Variants in NAALADL2 observed in about 807,000 individuals in gnomAD.
The protein encoded by NAALADL2 is inactive N-acetylated-alpha-linked acidic dipeptidase-like protein 2.
A neutral mutation model predicts 87.2 loss-of-function variants in NAALADL2; 76 were observed. The ratio of observed to expected loss-of-function variants is 0.87; its 90% CI spans 0.72 to 1.05. The LOEUF (loss-of-function observed/expected upper bound fraction) is 1.05. Ranked by LOEUF, NAALADL2 falls within the 50% of genes least tolerant of loss-of-function variation. The pLI, the probability that NAALADL2 is intolerant of heterozygous loss-of-function variation, is 0.00. For missense variants in NAALADL2, 1,089 were observed against 945.8 expected (o/e 1.15, Z -1.99); for synonymous variants, 354 against 331.0 (o/e 1.07, Z -0.75).
At chr3:174,613,684 G>T (rs1219219919) in intron 2 of NAALADL2, among the ~76,000 whole-genome samples, 1 of 152,132 alleles carries the variant, frequency 6.6e-6, no homozygotes, top group Non-Finnish European at 1.5e-5. Context: ...AGGGCAGTAG[G>T]CTCCTTTCTG....
At chr3:175,250,253 C>CTGTGTGTGTGTGTGTG (rs147841608) in intron 3 of NAALADL2, among the ~76,000 whole-genome samples, 2 of 146,084 alleles carry the variant, frequency 1.4e-5, no homozygotes, top group African/African-American at 5.1e-5. Context: ...CTCACTTTTT[C>CTGTGTGTGTGTGTGTG]TGTGTGTGTG....
At chr3:175,413,978 T>A (rs1473643031) in intron 5 of NAALADL2, among the ~76,000 whole-genome samples, 1 of 152,202 alleles carries the variant, frequency 6.6e-6, no homozygotes, top group Non-Finnish European at 1.5e-5. Context: ...ACCACCGTCT[T>A]CTACCCAGTG....
At chr3:175,450,676 G>C (rs1314047503) in intron 6 of NAALADL2, among the ~76,000 whole-genome samples, 1 of 135,076 alleles carries the variant, frequency 7.4e-6, no homozygotes, top group Non-Finnish European at 1.6e-5. Context: ...AGTTGATGTA[G>C]TCTGTCAATA....
At chr3:175,388,888 A>G (rs945649837) in intron 5 of NAALADL2, among the ~76,000 whole-genome samples, 2 of 152,156 alleles carry the variant, frequency 1.3e-5, no homozygotes, top group East Asian at 1.9e-4. Flanking sequence ...CAACTTATCT[A>G]AAGTTTTAAT....
chr3:175,421,967 G>A (rs1715780813), intron 5 of NAALADL2, among the ~76,000 whole-genome samples: 1 of 152,006 alleles, frequency 6.6e-6, no homozygotes, highest in South Asian at 2.1e-4. Context: ...TTGAAGAATA[G>A]CAAAATATCA....
At chr3:175,090,787 A>C (rs1719952870) in intron 1 of NAALADL2, among the ~76,000 whole-genome samples, 2 of 152,140 alleles carry the variant, frequency 1.3e-5, no homozygotes, top group Non-Finnish European at 2.9e-5. Flanking sequence ...TTTTTCTAAA[A>C]ATAAAGCACA....
At chr3:175,665,936 A>C (rs1931158) in intron 11 of NAALADL2, among the ~76,000 whole-genome samples, 21,010 of 150,376 alleles carry the variant, frequency 0.14, 2,232 homozygotes, top group African/African-American at 0.3. Context: ...TCCCCCCCCC[A>C]AAAAAAAGGT....
intron 5 of NAALADL2, among the ~76,000 whole-genome samples, chr3:175,386,495 CTT>C (rs773283817): frequency 1.4e-5 from 2 of 145,280 alleles, no homozygotes; most frequent in African/African-American, 5.0e-5. Context: ...CATGTATCAT[CTT>C]TTTTTTTTTT....
At chr3:175,248,610 C>G (rs936612744) in intron 3 of NAALADL2, among the ~76,000 whole-genome samples, 2 of 152,044 alleles carry the variant, frequency 1.3e-5, no homozygotes, top group African/African-American at 4.8e-5. Flanking sequence ...TACACATATT[C>G]AGTCATTTAT....
At chr3:174,712,312 T>A (rs951305357) in intron 2 of NAALADL2, among the ~76,000 whole-genome samples, 1 of 151,750 alleles carries the variant, frequency 6.6e-6, no homozygotes, top group Non-Finnish European at 1.5e-5. Flanking sequence ...CGTATCCTAA[T>A]GCTATGATAA....
At chr3:175,670,999 A>T (rs548014432) in intron 11 of NAALADL2, among the ~76,000 whole-genome samples, 2 of 151,682 alleles carry the variant, frequency 1.3e-5, no homozygotes, top group Non-Finnish European at 3.0e-5. Flanking sequence ...GTTGTAAAAA[A>T]AAATAATAAT....
intron 9 of NAALADL2, among the ~76,000 whole-genome samples, chr3:175,528,085 A>C (rs545104617): frequency 1.3e-5 from 2 of 152,188 alleles, no homozygotes; most frequent in Admixed American, 1.3e-4. Context: ...GTTCTCGGAG[A>C]AGGAAAGTGA....
chr3:174,539,981 A>G (rs1232662581), intron 1 of NAALADL2, among the ~76,000 whole-genome samples: 1 of 87,018 alleles, frequency 1.1e-5, no homozygotes, highest in East Asian at 2.2e-4. Context: ...GTTCTGGAAA[A>G]AAAAAAAAAA....
At chr3:174,720,036 G>T (rs1409450960) in intron 2 of NAALADL2, among the ~76,000 whole-genome samples, 1 of 152,058 alleles carries the variant, frequency 6.6e-6, no homozygotes, top group African/African-American at 2.4e-5. Context: ...TCTTGACCTC[G>T]TGATTCACAT....
At chr3:174,979,466 C>T (rs914005429) in intron 1 of NAALADL2, among the ~76,000 whole-genome samples, 16 of 151,734 alleles carry the variant, frequency 1.1e-4, no homozygotes, top group Admixed American at 2.6e-4. Context: ...CCACCACGCC[C>T]GGCTAATTTT....
intron 1 of NAALADL2, among the ~76,000 whole-genome samples, chr3:175,018,547 T>C (rs1414990100): frequency 6.6e-6 from 1 of 152,096 alleles, no homozygotes; most frequent in Non-Finnish European, 1.5e-5. Context: ...TGCTGGTTGA[T>C]GACCAACTGA....
At chr3:175,581,567 T>C (rs748390247) in intron 10 of NAALADL2, among the ~76,000 whole-genome samples, 1 of 152,264 alleles carries the variant, frequency 6.6e-6, no homozygotes, top group Non-Finnish European at 1.5e-5. Context: ...CAATATTTTA[T>C]TCATATAATG....
Position 175,572,885 on chromosome 3 carries a change from G to A in NAALADL2, c.1654-3156G>A, listed in dbSNP as rs1718295596. Among the ~76,000 whole-genome samples the A allele has an allele frequency of 6.4e-5, 9 of 139,804 alleles. No individual in the cohort carries two copies. The Admixed American group carries it at 7.0e-4, about 11-fold the overall frequency. The allele number at this position is 139,804 out of a possible 152,430, so 91.7% of individuals were successfully genotyped here. A position where few individuals can be genotyped will look rare whatever the true frequency, so the allele number is the denominator to read the frequency against. The stretch of plus-strand genomic sequence containing the variant: ...AGCCTGGGCAACATTTAGCAACATA[G>A]TGAGACTCTATCTTGAAAAAAAAAA... On this transcript the variant is annotated intron_variant, in intron 9 of 13. Transcript: ENST00000454872.
chr3:174,793,976 G>A (rs1237305046), intron 3 of NAALADL2, among the ~76,000 whole-genome samples: 1 of 151,804 alleles, frequency 6.6e-6, no homozygotes, highest in Non-Finnish European at 1.5e-5. Context: ...CCTTTTATAA[G>A]AAAGAAAAAT....
Sources: gnomAD v4.1 joint callset for allele counts (sites outside exome capture counted in the v4.1 genomes callset) on GRCh38, gnomAD v4.1.1 for gene constraint, MANE v1.5 for transcripts, NCBI Gene and HGNC (gene_info 2026-07-23, HGNC 2026-07-21) for gene names.